Variants in CLTB observed in about 807,000 individuals in gnomAD.
CLTB encodes clathrin, light chain (Lcb).
Under a neutral mutation model 30.5 loss-of-function variants are expected in CLTB, and 10 were observed. That is an observed-to-expected ratio of 0.33 (90% CI 0.20 to 0.56). The LOEUF is 0.56. Ranked by LOEUF, CLTB falls within the 20% of genes least tolerant of loss-of-function variation. The pLI, the probability that CLTB is intolerant of heterozygous loss-of-function variation, is 0.91. For synonymous variants in CLTB, 102 were observed against 120.3 expected (o/e 0.85, Z 1.00); for missense variants, 261 against 308.3 (o/e 0.85, Z 1.15).
chr5:176,401,144 C>T (rs553435638), intron 2 of CLTB, among the ~76,000 whole-genome samples: 21 of 152,372 alleles, frequency 1.4e-4, no homozygotes, highest in Non-Finnish European at 2.9e-4. Flanking sequence ...TTCACTGCTG[C>T]TCCTTTCTGG....
At chr5:176,416,127 T>G (rs767863044) in intron 1 of CLTB, 50 bp downstream of exon 1, 1 of 1,443,640 alleles carries the variant, frequency 6.9e-7, no homozygotes, top group Non-Finnish European at 9.0e-7. Flanking sequence ...CCGGCCGGGG[T>G]CCCCCGGGTG....
At chr5:176,409,753 A>G in intron 2 of CLTB, among the ~76,000 whole-genome samples, 1 of 152,094 alleles carries the variant, frequency 6.6e-6, no homozygotes, top group Non-Finnish European at 1.5e-5. Flanking sequence ...TTTCTAATCT[A>G]TCTATTCAGT....
intron 2 of CLTB, among the ~76,000 whole-genome samples, chr5:176,408,810 G>A (rs966545076): frequency 6.6e-5 from 10 of 152,198 alleles, no homozygotes; most frequent in Non-Finnish European, 1.3e-4. Flanking sequence ...GTAAGCCGCC[G>A]TGCCCGGCTG....
intron 1 of CLTB, among the ~76,000 whole-genome samples, chr5:176,414,349 T>G (rs1215677578): frequency 2.6e-5 from 4 of 152,088 alleles, no homozygotes; most frequent in African/African-American, 9.7e-5. Flanking sequence ...AGCCCTCCAT[T>G]GCTGTCTCAG....
chr5:176,402,748 C>T (rs1389160779), intron 2 of CLTB, among the ~76,000 whole-genome samples: 1 of 152,196 alleles, frequency 6.6e-6, no homozygotes, highest in Non-Finnish European at 1.5e-5. Flanking sequence ...CAGGGAGTCC[C>T]TCACAAATGA....
chr5:176,410,717 C>A (rs1002462638), intron 1 of CLTB, among the ~76,000 whole-genome samples: 1 of 152,158 alleles, frequency 6.6e-6, no homozygotes, highest in Non-Finnish European at 1.5e-5. Context: ...GCTGTAAGCT[C>A]AGGGCAGGGG....
At chr5:176,399,260 A>C (rs1756696688) in intron 2 of CLTB, among the ~76,000 whole-genome samples, 1 of 152,196 alleles carries the variant, frequency 6.6e-6, no homozygotes, top group Admixed American at 6.5e-5. Context: ...GCAGATGCTC[A>C]GTAGATGTTT....
chr5:176,402,823 G>A (rs1431211083), intron 2 of CLTB, among the ~76,000 whole-genome samples: 1 of 152,154 alleles, frequency 6.6e-6, no homozygotes, highest in Non-Finnish European at 1.5e-5. Flanking sequence ...GTGGGGAAGG[G>A]AGGGCACCAT....
chr5:176,415,387 A>G (rs187293400), intron 1 of CLTB, among the ~76,000 whole-genome samples: 4 of 152,314 alleles, frequency 2.6e-5, no homozygotes, highest in Non-Finnish European at 5.9e-5. Flanking sequence ...CGACAGGAAC[A>G]GGTTTAAATT....
At chr5:176,398,117 G>A (rs919173989) in intron 2 of CLTB, 70 bp from the exon 3 acceptor site, 2 of 1,397,054 alleles carry the variant, frequency 1.4e-6, no homozygotes, top group Non-Finnish European at 1.0e-6. Flanking sequence ...GCCCCTGCTG[G>A]GGACCCACTC....
At chr5:176,412,506 G>T (rs1363017729) in intron 1 of CLTB, among the ~76,000 whole-genome samples, 1 of 152,166 alleles carries the variant, frequency 6.6e-6, no homozygotes, top group Non-Finnish European at 1.5e-5. Context: ...TATCTGCAAG[G>T]CTCTCAGAAA....
rs1474733440 is a variant in CLTB at position 176,393,919 on chromosome 5, G to A, written c.519-974C>T. ...GAGGGTCGCTCACAAGTCCCTGGAA[G>A]CCCCCTCTCCATCTCAAGCAGGACC... On this transcript the variant is annotated intron_variant, in intron 5 of 5. Transcript: ENST00000310418. This position sits in a 1 kb window ranked among gnomAD's most constrained non-coding sequence, Gnocchi z 4.4. Among the ~76,000 whole-genome samples, 1 of 152,182 alleles carries A rather than the reference G, an allele frequency of 6.6e-6. No individual in the cohort carries two copies. Among genetic ancestry groups the A allele is most frequent in the African/African-American group, 2.4e-5 (1 of 41,436 alleles).
chr5:176,402,318 T>G (rs1361396257), intron 2 of CLTB, among the ~76,000 whole-genome samples: 1 of 152,046 alleles, frequency 6.6e-6, no homozygotes, highest in African/African-American at 2.4e-5. Context: ...TAAATAAAAA[T>G]AAAATAAAAC....
At chr5:176,408,669 C>T (rs568712544) in intron 2 of CLTB, among the ~76,000 whole-genome samples, 5 of 152,284 alleles carry the variant, frequency 3.3e-5, no homozygotes, top group Middle Eastern at 3.4e-3. Context: ...ACTATAGGCA[C>T]ACACTATTGC....
intron 1 of CLTB, among the ~76,000 whole-genome samples, chr5:176,411,302 C>T (rs1757416843): frequency 6.6e-6 from 1 of 152,210 alleles, no homozygotes; most frequent in African/African-American, 2.4e-5. Flanking sequence ...AAAACATGCA[C>T]TTACCTGTGC....
At chr5:176,404,101 A>C (rs1756977810) in intron 2 of CLTB, among the ~76,000 whole-genome samples, 1 of 152,220 alleles carries the variant, frequency 6.6e-6, no homozygotes, top group Admixed American at 6.5e-5. Flanking sequence ...CTATCTCCAA[A>C]GAGCCAAGGT....
intron 2 of CLTB, among the ~76,000 whole-genome samples, chr5:176,402,599 G>T (rs757851769): frequency 2.0e-5 from 3 of 152,170 alleles, no homozygotes; most frequent in Non-Finnish European, 4.4e-5. Context: ...CTGCCATGAG[G>T]GCAGAGGCTG....
Position 176,416,209 on chromosome 5 carries a change from G to A in CLTB, c.155C>T (p.Ala52Val). ...EGFGAPAGSH[A>V]APAQPGPTSG... ...CGTGGGGCCCGGCTGCGCGGGGGCC[G>A]CATGGCTGCCGGCAGGTGCCCCGAA... Residue 52 changes from alanine to valine, a missense_variant, in exon 1 of 6, where the codon GCG (alanine) becomes GTG (valine). Ala to Val is a moderately conservative substitution (Grantham distance 64). Coordinates refer to ENST00000310418, the MANE Select transcript of CLTB (RefSeq NM_007097.5). 1.3e-6 allele frequency: 2 copies of A among 1,593,086 alleles called. No individual in the cohort carries two copies. The highest frequency in any genetic ancestry group is 1.7e-6 in the Non-Finnish European group (2 of 1,172,732).
intron 2 of CLTB, among the ~76,000 whole-genome samples, chr5:176,402,598 G>A (rs1024691784): frequency 6.6e-6 from 1 of 152,296 alleles, no homozygotes; most frequent in African/African-American, 2.4e-5. Flanking sequence ...CCTGCCATGA[G>A]GGCAGAGGCT....
Sources: gnomAD v4.1 joint callset for allele counts (sites outside exome capture counted in the v4.1 genomes callset) on GRCh38, gnomAD v4.1.1 for gene constraint, Gnocchi (gnomAD v3.1) non-coding constraint, MANE v1.5 for transcripts, NCBI Gene and HGNC (gene_info 2026-07-23, HGNC 2026-07-21) for gene names.